The following MMEL1 variants were observed in gnomAD, a reference collection of about 807,000 sequenced individuals.
MMEL1 encodes membrane metallo-endopeptidase-like 1.
Under a neutral mutation model 117.1 loss-of-function variants are expected in MMEL1, and 98 were observed. The observed-to-expected ratio is 0.84, with a 90% CI of 0.71 to 0.99. The LOEUF is 0.99. Among genes scored for constraint, MMEL1 ranks in the 50% least tolerant of loss-of-function variants. The pLI is 0.00. For synonymous variants in MMEL1, 390 were observed against 415.1 expected, an observed-to-expected ratio of 0.94 and a Z score of 0.74; for missense variants, 1,014 against 1,049.1, an observed-to-expected ratio of 0.97 and a Z score of 0.46.
At chr1:2,597,774 C>T (rs1476243390) in intron 13 of MMEL1, among the ~76,000 whole-genome samples, 1 of 152,200 alleles carries the variant, frequency 6.6e-6, no homozygotes, top group East Asian at 1.9e-4. Flanking sequence ...TCCAAACCGG[C>T]TGCTGTGGCC....
In MMEL1 at chr1:2,612,306, G is replaced by A; in HGVS notation, c.155-102C>T. On this transcript the variant is annotated intron_variant, in intron 2 of 23. Transcript: ENST00000378412. This position sits in a 1 kb window ranked among gnomAD's most constrained non-coding sequence, Gnocchi z 5.4. ...GCACGCCATCTTCCCACAGTGCTGG[G>A]TGCTGCAGCCCTACCCCTGTAGTGA... 1.0e-6 allele frequency: 1 copy of A among 965,496 alleles called. No homozygotes were observed. Among genetic ancestry groups the A allele is most frequent in the Non-Finnish European group, 1.6e-6 (1 of 629,590 alleles). 59.8% of individuals were successfully genotyped at this position (965,496 alleles called of 1,614,324 possible). A position where few individuals can be genotyped will look rare whatever the true frequency, so the allele number is the denominator to read the frequency against.
At chr1:2,606,221 A>G in intron 8 of MMEL1, 27 bp downstream of exon 8, 1 of 1,583,730 alleles carries the variant, frequency 6.3e-7, no homozygotes. Context: ...GACCCTGCCT[A>G]CCCCTGCCCA....
rs10797440 is a variant in MMEL1, at chr1:2,609,830, A to G, written c.294T>C (p.Ala98=). 606,045 of 1,603,824 alleles carry G rather than the reference A, an allele frequency of 0.38. 120,479 individuals carry two copies. Among genetic ancestry groups the G allele is most frequent in the African/African-American group, 0.66 (49,302 of 74,850 alleles). ...GGTCCATGTTCTGGAGGATCCTGGC[A>G]GCTGCTCGTCCCCATGGCGTGGAGC... ...VCTTPGCVIA[A]ARILQNMDPT... The change falls in exon 5 of 24, where the codon GCT becomes GCC. Residue 98 remains alanine (A), a splice_region_variant and synonymous_variant. Transcript: ENST00000378412.
At chr1:2,597,947 A>G (rs567401392) in intron 13 of MMEL1, among the ~76,000 whole-genome samples, 23 of 151,960 alleles carry the variant, frequency 1.5e-4, no homozygotes, top group African/African-American at 5.1e-4. Context: ...AAGGTCTCAA[A>G]TGTCGCCTCC....
intron 10 of MMEL1, 25 bp downstream of exon 10, chr1:2,604,122 T>TTCCCC: frequency 3.7e-6 from 5 of 1,357,428 alleles, no homozygotes; most frequent in Non-Finnish European, 4.2e-6. Flanking sequence ...CGCTGCCCGC[T>TTCCCC]CCCCACCCGC....
intron 6 of MMEL1, among the ~76,000 whole-genome samples, chr1:2,608,332 G>A (rs1279820125): frequency 6.6e-6 from 1 of 152,156 alleles, no homozygotes; most frequent in Non-Finnish European, 1.5e-5. Context: ...AGACCCCCAA[G>A]TGGAGGAGTT....
At position 2,612,104 on chromosome 1, in the gene MMEL1, T is replaced by C; in HGVS notation, c.232+23A>G. On this transcript the variant is annotated intron_variant, in intron 3 of 23. Transcript: ENST00000378412. The surrounding 1 kb of genome is among the most constrained non-coding windows in gnomAD (Gnocchi z 5.4). Reference sequence around the variant, plus strand: ...CAGCGCCCACCTGCCTGGGGCTGTTTTGGAAGGGAAGGCAAAGGCTACCTC... The same window carrying C: ...CAGCGCCCACCTGCCTGGGGCTGTTCTGGAAGGGAAGGCAAAGGCTACCTC... The C allele has an allele frequency of 6.4e-7, 1 of 1,563,054 alleles. No homozygotes were observed. The highest frequency in any genetic ancestry group is 8.7e-7 in the Non-Finnish European group (1 of 1,151,654).
chr1:2,593,206 G>A (rs573446926), intron 19 of MMEL1, among the ~76,000 whole-genome samples: 1 of 152,348 alleles, frequency 6.6e-6, no homozygotes, highest in East Asian at 1.9e-4. Context: ...CACCCCCTGA[G>A]GCTAGGGCCT....
intron 2 of MMEL1, among the ~76,000 whole-genome samples, chr1:2,628,908 G>C (rs1557562996): frequency 6.7e-6 from 1 of 148,856 alleles, no homozygotes; most frequent in African/African-American, 2.5e-5. Context: ...AGCCAGGTGA[G>C]CCCGGGCGGC....
chr1:2,627,147 T>G lies in MMEL1; in HGVS notation c.154+2184A>C, dbSNP rs536305306. ...AGTCAGAAACGGTGACTACACAGTTTCACGAAGTGAAAGATATATTAACTT... is the reference window on the plus strand; with the variant it reads ...AGTCAGAAACGGTGACTACACAGTTGCACGAAGTGAAAGATATATTAACTT... On this transcript the variant is annotated intron_variant, in intron 2 of 23. Coordinates refer to ENST00000378412, the MANE Select transcript of MMEL1 (RefSeq NM_033467.4). 1.3e-5 allele frequency among the ~76,000 whole-genome samples: 2 copies of G among 152,398 alleles called. 1 individual carries two copies. The highest frequency in any genetic ancestry group is 4.1e-4 in the South Asian group (2 of 4,834).
rs553916477 is a variant in MMEL1 at position 2,594,841 on chromosome 1, A to G, written c.1637T>C (p.Val546Ala). The change falls in exon 17 of 24, where the codon GTG becomes GCG. Residue 546 changes from valine (V) to alanine (A), a missense_variant. Val to Ala is a moderately conservative substitution (Grantham distance 64, BLOSUM62 0). Coordinates refer to ENST00000378412, the MANE Select transcript of MMEL1 (RefSeq NM_033467.4). ...CTTCCTGAGGCTCCGCTGGGCGCCC[A>G]CCTTGAGGTTCTGCAGACTGTTCTC... Reference protein sequence around the residue: ...YFENSLQNLKVGAQRSLRKLR... With the variant: ...YFENSLQNLKAGAQRSLRKLR... 12 of 1,613,872 alleles carry G rather than the reference A, an allele frequency of 7.4e-6. No homozygotes were observed. The highest frequency in any genetic ancestry group is 6.7e-5 in the African/African-American group (5 of 75,020).
At chr1:2,609,901 TC>T in intron 4 of MMEL1, 70 bp from the exon 5 acceptor site, 2 of 1,513,382 alleles carry the variant, frequency 1.3e-6, no homozygotes. Context: ...CAGAAGCCTG[TC>T]TCCCGGTCCA....
Position 2,590,924 on chromosome 1 carries a change from G to C in MMEL1, c.*66C>G. ...GACGTACACTGGGTCGCCGCTAGCT[G>C]CACCTTCGCACAGATGCCTCCGAGC... is the stretch of plus-strand genomic sequence containing the variant. On this transcript the variant is annotated 3_prime_UTR_variant, in exon 24 of 24. Coordinates refer to ENST00000378412, the MANE Select transcript of MMEL1 (RefSeq NM_033467.4). 1 of 1,245,358 alleles carries C rather than the reference G, an allele frequency of 8.0e-7. No individual in the cohort carries two copies. Among genetic ancestry groups the C allele is most frequent in the Non-Finnish European group, 1.1e-6 (1 of 951,676 alleles). The allele number at this position is 1,245,358 out of a possible 1,614,324, so 77.1% of individuals were successfully genotyped here.
chr1:2,592,162 A>T (rs920609941), intron 21 of MMEL1, 135 bp from the exon 22 acceptor site: 4 of 694,896 alleles, frequency 5.8e-6, no homozygotes, highest in Admixed American at 2.7e-5. Flanking sequence ...GGCCCTTCAC[A>T]CACCCCACGG....
At chr1:2,626,477 A>C (rs983219589) in intron 2 of MMEL1, among the ~76,000 whole-genome samples, 1 of 152,240 alleles carries the variant, frequency 6.6e-6, no homozygotes, top group African/African-American at 2.4e-5. Context: ...CACCTGTTCA[A>C]CTTTGCTGTC....
chr1:2,592,037 C>G lies in MMEL1; in HGVS notation c.2068-10G>C. 1 of 1,610,726 alleles carries G rather than the reference C, an allele frequency of 6.2e-7. No homozygotes were observed. Among genetic ancestry groups the G allele is most frequent in the Non-Finnish European group, 8.5e-7 (1 of 1,177,798 alleles). On this transcript the variant is annotated splice_polypyrimidine_tract_variant and intron_variant, in intron 21 of 23. Transcript: ENST00000378412. ...TCCACTTGAGGTAGGCCTGCAGGCA[C>G]CAGACAGGAGCTGAGCTCAGGCCTG...
At chr1:2,630,670 G>A (rs765951161) in intron 1 of MMEL1, among the ~76,000 whole-genome samples, 133 of 146,188 alleles carry the variant, frequency 9.1e-4, no homozygotes, top group Non-Finnish European at 3.0e-4. Flanking sequence ...TATGTGTGCG[G>A]ATATGCACGT....
At chr1:2,611,245 T>G in intron 4 of MMEL1, 36 bp downstream of exon 4, 2 of 1,553,468 alleles carry the variant, frequency 1.3e-6, no homozygotes, top group Non-Finnish European at 1.7e-6. Context: ...CCCCAGCCCT[T>G]GGGCAGGCTG....
chr1:2,594,447 T>C lies in MMEL1; in HGVS notation c.1689-4A>G. 6.4e-7 allele frequency: 1 copy of C among 1,551,230 alleles called. No homozygotes were observed. The highest frequency in any genetic ancestry group is 8.7e-7 in the Non-Finnish European group (1 of 1,146,912). ...CACCGCCGCCCCGATGATCCAGCTG[T>C]GATAGACAAGCCGGTCTCTGGGAGC... On this transcript the variant is annotated splice_region_variant and splice_polypyrimidine_tract_variant and intron_variant, in intron 17 of 23. Transcript: ENST00000378412.
Sources: gnomAD v4.1 joint callset for allele counts (sites outside exome capture counted in the v4.1 genomes callset) on GRCh38, gnomAD v4.1.1 for gene constraint, Gnocchi (gnomAD v3.1) non-coding constraint, MANE v1.5 for transcripts, NCBI Gene and HGNC (gene_info 2026-07-23, HGNC 2026-07-21) for gene names.